The following SUSD5 variants were observed in gnomAD, a reference collection of about 807,000 sequenced individuals.
SUSD5 encodes sushi domain containing 5.
A neutral mutation model predicts 29.5 loss-of-function variants in SUSD5; 33 were observed. The ratio of observed to expected loss-of-function variants is 1.12; its 90% CI spans 0.85 to 1.49. SUSD5 has a LOEUF of 1.49. SUSD5 is among the 40% of genes most tolerant of loss of function. SUSD5 has a pLI of 0.00. For synonymous variants in SUSD5, 308 were observed against 325.3 expected (o/e 0.95, Z 0.57); for missense variants, 776 against 800.6 (o/e 0.97, Z 0.37).
intron 3 of SUSD5, among the ~76,000 whole-genome samples, chr3:33,187,590 C>T (rs2125625344): frequency 6.6e-6 from 1 of 152,114 alleles, no homozygotes; most frequent in Admixed American, 6.5e-5. Flanking sequence ...AAACAGCTGG[C>T]TATATACCTG....
chr3:33,205,588 ACCTT>A (rs2032202981), intron 3 of SUSD5, among the ~76,000 whole-genome samples: 1 of 152,210 alleles, frequency 6.6e-6, no homozygotes, highest in African/African-American at 2.4e-5. Context: ...GATGTTCTCA[ACCTT>A]TGGCTCCATG....
chr3:33,199,074 C>T (rs1186855093), intron 3 of SUSD5, among the ~76,000 whole-genome samples: 3 of 152,068 alleles, frequency 2.0e-5, no homozygotes, highest in Non-Finnish European at 4.4e-5. Context: ...ATAAGAAATG[C>T]AATAATGCAT....
intron 3 of SUSD5, among the ~76,000 whole-genome samples, chr3:33,205,946 G>C (rs142398727): frequency 6.6e-6 from 1 of 152,306 alleles, no homozygotes; most frequent in African/African-American, 2.4e-5. Context: ...TTGTTTATTG[G>C]AGAAAGAAGT....
intron 3 of SUSD5, among the ~76,000 whole-genome samples, chr3:33,193,862 T>C (rs1185225050): frequency 2.0e-5 from 3 of 152,038 alleles, no homozygotes; most frequent in South Asian, 2.1e-4. Context: ...AAAACGATAA[T>C]AGCCCCTCCC....
intron 4 of SUSD5, among the ~76,000 whole-genome samples, chr3:33,157,729 G>A (rs775078373): frequency 4.6e-5 from 7 of 152,116 alleles, no homozygotes; most frequent in Non-Finnish European, 7.4e-5. Flanking sequence ...TCTCTGCCTC[G>A]GAGCCCTGCC....
chr3:33,175,263 C>T (rs978253581), intron 3 of SUSD5, among the ~76,000 whole-genome samples, 189 bp from the exon 4 acceptor site: 2 of 152,156 alleles, frequency 1.3e-5, no homozygotes, highest in African/African-American at 4.8e-5. Context: ...AAGAGGCACT[C>T]AAAAATACTT....
chr3:33,214,005 T>C lies in SUSD5; in HGVS notation c.213A>G (p.Ala71=), dbSNP rs760578164. The change falls in exon 2 of 5, where the codon GCA becomes GCG. Residue 71 remains alanine, a synonymous_variant. Transcript: ENST00000309558. ...CKSRGAHLAS[A]DELRRVVQDC... ...CCTGTACCACTCTCCGCAGCTCGTC[T>C]GCAGATGCCAGGTGAGCGCCCCTGC... 1.2e-5 allele frequency: 20 copies of C among 1,613,876 alleles called. No individual in the cohort carries two copies. The Admixed American group carries it at 3.0e-4, about 24-fold the overall frequency.
intron 3 of SUSD5, among the ~76,000 whole-genome samples, chr3:33,183,902 C>T (rs1263299845): frequency 2.7e-5 from 3 of 111,632 alleles, no homozygotes; most frequent in Admixed American, 2.6e-4. Flanking sequence ...TTTTTTTCCT[C>T]TTAACACTTT....
chr3:33,174,378 CT>C (rs1434285729), intron 4 of SUSD5, among the ~76,000 whole-genome samples: 1 of 152,140 alleles, frequency 6.6e-6, no homozygotes, highest in Non-Finnish European at 1.5e-5. Flanking sequence ...GTCTGAATGT[CT>C]TGCAACAACC....
Position 33,152,315 on chromosome 3 carries a change from G to C in SUSD5, c.*427C>G. On this transcript the variant is annotated 3_prime_UTR_variant, in exon 5 of 5. Transcript: ENST00000309558. The stretch of plus-strand genomic sequence containing the variant: ...CATGCCTGTAATCCCACCTACTTGG[G>C]AGGCTGAGGCAGGAGAATTGCTTGA... The C allele has an allele frequency of 6.3e-6, 1 of 159,566 alleles. No individual in the cohort carries two copies. Among genetic ancestry groups the C allele is most frequent in the East Asian group, 1.8e-4 (1 of 5,434 alleles). The allele number at this position is 159,566 out of a possible 1,614,324, so 9.9% of individuals were successfully genotyped here. A position where few individuals can be genotyped will look rare whatever the true frequency, so the allele number is the denominator to read the frequency against.
chr3:33,207,314 C>T (rs2032240243), intron 3 of SUSD5, among the ~76,000 whole-genome samples: 1 of 152,192 alleles, frequency 6.6e-6, no homozygotes, highest in African/African-American at 2.4e-5. Context: ...TCTCTAGACA[C>T]CTTTACCATT....
At chr3:33,199,765 G>A (rs368947634) in intron 3 of SUSD5, among the ~76,000 whole-genome samples, 29 of 152,232 alleles carry the variant, frequency 1.9e-4, no homozygotes, top group East Asian at 5.8e-4. Context: ...TTTGGGAGGC[G>A]ATTAGGCCAT....
At chr3:33,207,053 G>T (rs542356267) in intron 3 of SUSD5, among the ~76,000 whole-genome samples, 4 of 152,144 alleles carry the variant, frequency 2.6e-5, no homozygotes, top group African/African-American at 4.8e-5. Context: ...TGATAACAGA[G>T]GTGTACTTAT....
At chr3:33,165,363 G>A (rs1287839650) in intron 4 of SUSD5, among the ~76,000 whole-genome samples, 1 of 152,176 alleles carries the variant, frequency 6.6e-6, no homozygotes, top group Non-Finnish European at 1.5e-5. Flanking sequence ...AAGGGAGGCT[G>A]GGACTGAAAG....
intron 3 of SUSD5, among the ~76,000 whole-genome samples, chr3:33,182,068 T>C (rs2031683854): frequency 6.6e-6 from 1 of 152,252 alleles, no homozygotes; most frequent in Non-Finnish European, 1.5e-5. Context: ...CTAATATATG[T>C]ATTCACTGCT....
chr3:33,195,780 T>C (rs1362134731), intron 3 of SUSD5, among the ~76,000 whole-genome samples: 2 of 151,212 alleles, frequency 1.3e-5, no homozygotes, highest in Non-Finnish European at 2.9e-5. Context: ...TTATATGTTG[T>C]TCATATAATC....
intron 4 of SUSD5, among the ~76,000 whole-genome samples, chr3:33,165,180 A>G (rs2031279113): frequency 6.6e-6 from 1 of 152,252 alleles, no homozygotes; most frequent in Non-Finnish European, 1.5e-5. Flanking sequence ...GAATACTCCA[A>G]AGCAAAGAAA....
chr3:33,154,067 C>A, intron 4 of SUSD5, 34 bp from the exon 5 acceptor site: 1 of 1,517,168 alleles, frequency 6.6e-7, no homozygotes, highest in East Asian at 2.3e-5. Flanking sequence ...CTCATTAGCT[C>A]CAAAGGCACA....
In SUSD5 at chr3:33,183,561, CT is replaced by C. The variant is rs566424614; in HGVS notation, c.410-8488del. Among the ~76,000 whole-genome samples the C allele has an allele frequency of 9.1e-4, 139 of 152,314 alleles. No individual in the cohort carries two copies. The Middle Eastern group carries it at 0.01, about 11-fold the overall frequency. ...AAATATGCCTAATTCCTCCTGCCCCCTGTATCATTGGTGTCATTCAGTTCAC... is the reference window on the plus strand; with the variant it reads ...AAATATGCCTAATTCCTCCTGCCCCCGTATCATTGGTGTCATTCAGTTCAC... On this transcript the variant is annotated intron_variant, in intron 3 of 4. Transcript: ENST00000309558.
Sources: gnomAD v4.1 joint callset for allele counts (sites outside exome capture counted in the v4.1 genomes callset) on GRCh38, gnomAD v4.1.1 for gene constraint, MANE v1.5 for transcripts, NCBI Gene and HGNC (gene_info 2026-07-23, HGNC 2026-07-21) for gene names.